Variants in NAA10 observed in about 807,000 individuals in gnomAD.
NAA10 encodes N-alpha-acetyltransferase 10, NatA catalytic subunit.
In NAA10, 6 loss-of-function variants were observed where a neutral mutation model predicts 19.2. The ratio of observed to expected loss-of-function variants is 0.31; its 90% CI spans 0.17 to 0.62. The LOEUF (loss-of-function observed/expected upper bound fraction) is 0.62. Ranked by LOEUF, NAA10 falls within the 20% of genes least tolerant of loss-of-function variation. NAA10 has a pLI of 0.83. For synonymous variants in NAA10, 97 were observed against 79.9 expected, an observed-to-expected ratio of 1.21 and a Z score of -1.14; for missense variants, 101 against 198.4, an observed-to-expected ratio of 0.51 and a Z score of 2.95.
At chrX:153,934,859 A>G in intron 1 of NAA10, 25 bp downstream of exon 1, 1 of 995,732 alleles carries the variant, frequency 1.0e-6, no homozygotes, top group Admixed American at 3.7e-5. Flanking sequence ...CGCGGCGCGG[A>G]CAGCCTCCCG....
In NAA10 at chrX:153,929,455, A is replaced by C. The variant is rs1254347498; in HGVS notation, c.*532T>G. On this transcript the variant is annotated 3_prime_UTR_variant, in exon 8 of 8. Transcript: ENST00000464845. ...AGGACTCAAGGACTGTTGATGGGGC[A>C]TCTGGCTGGGTCATTACTCAGACAG... 1 of 123,367 alleles carries C rather than the reference A, an allele frequency of 8.1e-6. No individual in the cohort carries two copies. Among genetic ancestry groups the C allele is most frequent in the Non-Finnish European group, 1.7e-5 (1 of 59,727 alleles). The allele number at this position is 123,367 out of a possible 1,213,427, so 10.2% of individuals were successfully genotyped here.
intron 1 of NAA10, 76 bp downstream of exon 1, chrX:153,934,807 GC>G: frequency 1.1e-6 from 1 of 906,474 alleles, no homozygotes; most frequent in Non-Finnish European, 1.4e-6. Flanking sequence ...CTCGGCCGGG[GC>G]CCTCGGGAGC....
intron 3 of NAA10, 146 bp from the exon 4 acceptor site, chrX:153,932,730 A>G (rs1557107621): frequency 1.8e-6 from 1 of 563,351 alleles, no homozygotes; most frequent in Non-Finnish European, 3.0e-6. Context: ...GGATCAGAGC[A>G]GCCGATCCTG....
In NAA10 at chrX:153,934,880, T is replaced by C; in HGVS notation, c.21+4A>G. On this transcript the variant is annotated splice_donor_region_variant and intron_variant, in intron 1 of 7. Transcript: ENST00000464845. ...GCGGACAGCCTCCCGCCCCGGGCGCTCACCCTCGCATTGCGGATGTTCATA... is the reference window on the plus strand; with the variant it reads ...GCGGACAGCCTCCCGCCCCGGGCGCCCACCCTCGCATTGCGGATGTTCATA... 1.0e-6 allele frequency: 1 copy of C among 1,004,538 alleles called. No individual in the cohort carries two copies. The highest frequency in any genetic ancestry group is 1.3e-6 in the Non-Finnish European group (1 of 787,051). The allele number at this position is 1,004,538 out of a possible 1,213,427, so 82.8% of individuals were successfully genotyped here. A position where few individuals can be genotyped will look rare whatever the true frequency, so the allele number is the denominator to read the frequency against.
Position 153,933,931 on chromosome X carries a change from T to C in NAA10, c.179+12A>G. On this transcript the variant is annotated intron_variant, in intron 3 of 7. Coordinates refer to ENST00000464845, the MANE Select transcript of NAA10 (RefSeq NM_003491.4). Reference sequence around the variant, plus strand: ...ACACGTGTAGCTTCTGTCTTCCTCCTTGGTGACTCACATTTTGGCCAGGAC... The same window carrying C: ...ACACGTGTAGCTTCTGTCTTCCTCCCTGGTGACTCACATTTTGGCCAGGAC... 8.3e-7 allele frequency: 1 copy of C among 1,207,223 alleles called. No homozygotes were observed.
In NAA10 at chrX:153,929,991, G is replaced by T. The variant is rs2065156652; in HGVS notation, c.704C>A (p.Ser235Tyr). 8.3e-7 allele frequency: 1 copy of T among 1,207,741 alleles called. No homozygotes were observed. Among genetic ancestry groups the T allele is most frequent in the Admixed American group, 2.2e-5 (1 of 46,014 alleles). Residue 235 changes from serine (S) to tyrosine (Y), a missense_variant, in exon 8 of 8, where the codon TCC (serine) becomes TAC (tyrosine). Physicochemically the swap from Ser to Tyr is moderately radical, Grantham distance 144. Transcript: ENST00000464845. ...KDSSEASDSA[S>Y] Reference sequence around the variant, plus strand: ...GAGGAGGGGATGGGGCAGGCTCTAGGAGGCTGAGTCGGAGGCCTCTGAGCT... The same window carrying T: ...GAGGAGGGGATGGGGCAGGCTCTAGTAGGCTGAGTCGGAGGCCTCTGAGCT...
intron 6 of NAA10, chrX:153,931,475 T>C (rs2065166138): frequency 1.2e-6 from 1 of 804,416 alleles, no homozygotes; most frequent in Admixed American, 7.0e-5. Context: ...CCAAACGGGC[T>C]GAGTGCAGTT....
chrX:153,930,372 C>T lies in NAA10; in HGVS notation c.472-149G>A, dbSNP rs2065159669. 1.1e-5 allele frequency: 6 copies of T among 541,239 alleles called. No homozygotes were observed. The South Asian group carries it at 1.5e-4, about 14-fold the overall frequency. 44.6% of individuals were successfully genotyped at this position (541,239 alleles called of 1,213,427 possible). On this transcript the variant is annotated intron_variant, in intron 7 of 7. Transcript: ENST00000464845. Reference sequence around the variant, plus strand: ...GACACGCGGGACTGAGTGGGGACACCTGGCTGGAGCCCCAGTCCACCGCTA... The same window carrying T: ...GACACGCGGGACTGAGTGGGGACACTTGGCTGGAGCCCCAGTCCACCGCTA...
At chrX:153,932,808 T>G in intron 3 of NAA10, 2 of 439,551 alleles carry the variant, frequency 4.6e-6, no homozygotes, top group Non-Finnish European at 8.0e-6. Flanking sequence ...TTCCAGCTAC[T>G]TGGCAGGCCG....
Position 153,932,301 on chromosome X carries a change from C to A in NAA10, c.341+15G>T. On this transcript the variant is annotated intron_variant, in intron 5 of 7. Coordinates refer to ENST00000464845, the MANE Select transcript of NAA10 (RefSeq NM_003491.4). ...CTCTCCCCCTCAATCCCCCTTCCCT[C>A]AGCCCGGCTTCCACCTCTTCCTGAC... 1 of 1,196,908 alleles carries A rather than the reference C, an allele frequency of 8.4e-7. No individual in the cohort carries two copies. The highest frequency in any genetic ancestry group is 1.1e-6 in the Non-Finnish European group (1 of 882,859).
intron 3 of NAA10, chrX:153,932,989 G>A (rs782186627): frequency 9.5e-5 from 20 of 209,607 alleles, no homozygotes; most frequent in African/African-American, 5.6e-4. Context: ...GGAGGTTGAG[G>A]CTGCAGTGAG....
rs782050768 is a variant in NAA10 at position 153,929,366 on chromosome X, CAGGTT to C, written c.*616_*620del. The C allele has an allele frequency of 1.8e-5, 2 of 112,283 alleles. No individual in the cohort carries two copies. The highest frequency in any genetic ancestry group is 3.2e-5 in the African/African-American group (1 of 30,786). 9.3% of individuals were successfully genotyped at this position (112,283 alleles called of 1,213,427 possible). The stretch of plus-strand genomic sequence containing the variant: ...AATAAATTATTTTCAAATGCAAACT[CAGGTT>C]AGGGAGTAGACTCAAGAGGTATCAT... On this transcript the variant is annotated 3_prime_UTR_variant, in exon 8 of 8. Transcript: ENST00000464845.
At chrX:153,930,254 G>A (rs782298008) in intron 7 of NAA10, 31 bp from the exon 8 acceptor site, 18 of 1,162,552 alleles carry the variant, frequency 1.5e-5, no homozygotes, top group Non-Finnish European at 2.1e-5. Context: ...AGAAGCGGGG[G>A]CAAAGAGACA....
intron 3 of NAA10, 142 bp from the exon 4 acceptor site, chrX:153,932,726 G>A: frequency 1.7e-6 from 1 of 580,940 alleles, no homozygotes; most frequent in South Asian, 2.5e-5. Flanking sequence ...TCTTGGATCA[G>A]AGCAGCCGAT....
intron 1 of NAA10, 167 bp downstream of exon 1, chrX:153,934,717 C>G: frequency 4.6e-6 from 3 of 649,277 alleles, no homozygotes; most frequent in Non-Finnish European, 6.9e-6. Flanking sequence ...GCCCCGGCCC[C>G]GCGCCCCGGC....
chrX:153,929,634 A>G lies in NAA10; in HGVS notation c.*353T>C. 1 of 258,110 alleles carries G rather than the reference A, an allele frequency of 3.9e-6. No individual in the cohort carries two copies. Among genetic ancestry groups the G allele is most frequent in the East Asian group, 8.1e-5 (1 of 12,411 alleles). 21.3% of individuals were successfully genotyped at this position (258,110 alleles called of 1,213,427 possible). On this transcript the variant is annotated 3_prime_UTR_variant, in exon 8 of 8. Transcript: ENST00000464845. ...AGAACTGAAGGCCACCAAGAGTGGG[A>G]GCCCTGCTGTTGAGCTTTGAGCCTG... is the stretch of plus-strand genomic sequence containing the variant.
chrX:153,931,365 A>G (rs1048428686), intron 6 of NAA10: 2 of 832,933 alleles, frequency 2.4e-6, no homozygotes, highest in East Asian at 1.0e-4. Flanking sequence ...CTATAAAGCA[A>G]TTCCCACCAG....
intron 7 of NAA10, chrX:153,930,447 T>C (rs1314040466): frequency 8.8e-6 from 4 of 455,738 alleles, no homozygotes; most frequent in Non-Finnish European, 1.5e-5. Flanking sequence ...GCGCTGCCCC[T>C]TGACCAGCCC....
intron 3 of NAA10, 118 bp from the exon 4 acceptor site, chrX:153,932,702 G>T: frequency 1.5e-6 from 1 of 687,428 alleles, no homozygotes; most frequent in Non-Finnish European, 2.3e-6. Context: ...CCAGCTGGGG[G>T]AGAGCCGGGA....
Sources: gnomAD v4.1 joint callset for allele counts on GRCh38, gnomAD v4.1.1 for gene constraint, MANE v1.5 for transcripts, NCBI Gene and HGNC (gene_info 2026-07-23, HGNC 2026-07-21) for gene names.